HS6ST3: variants seen among roughly 807,000 people sequenced by gnomAD.
HS6ST3 encodes heparan sulfate 6-O-sulfotransferase 3.
Under a neutral mutation model 36.7 loss-of-function variants are expected in HS6ST3, and 12 were observed. The observed-to-expected ratio is 0.33, with a 90% CI of 0.21 to 0.53. The LOEUF (loss-of-function observed/expected upper bound fraction) is 0.53, where lower values mean the gene tolerates loss of function less well. Among genes scored for constraint, HS6ST3 ranks in the 20% least tolerant of loss-of-function variants. The probability of loss-of-function intolerance (pLI) is 0.95; values close to 1 mark genes in which losing one functional copy is unlikely to be tolerated. For synonymous variants in HS6ST3, 240 were observed against 257.5 expected (o/e 0.93, Z 0.65); for missense variants, 584 against 640.9 (o/e 0.91, Z 0.96).
At chr13:96,464,152 A>AAAAAAAAAAAAAAAAAAT in intron 1 of HS6ST3, among the ~76,000 whole-genome samples, 1 of 148,590 alleles carries the variant, frequency 6.7e-6, no homozygotes, top group Non-Finnish European at 1.5e-5. Context: ...AAAAAAAAAA[A>AAAAAAAAAAAAAAAAAAT]AAAAAAAAAT....
At chr13:96,541,581 G>A (rs774318464) in intron 1 of HS6ST3, among the ~76,000 whole-genome samples, 5 of 152,090 alleles carry the variant, frequency 3.3e-5, no homozygotes, top group Admixed American at 6.5e-5. Context: ...AATTAACAAC[G>A]TATATAGTGC....
chr13:96,182,825 G>C (rs531219179), intron 1 of HS6ST3, among the ~76,000 whole-genome samples: 1 of 152,312 alleles, frequency 6.6e-6, no homozygotes, highest in East Asian at 1.9e-4. Context: ...ACCTCTGTGA[G>C]ATTAGGAATC....
At chr13:96,124,149 T>A (rs778467316) in intron 1 of HS6ST3, among the ~76,000 whole-genome samples, 5 of 152,178 alleles carry the variant, frequency 3.3e-5, no homozygotes, top group African/African-American at 4.8e-5. Context: ...AGTAAAATGT[T>A]CAGGAGCTTT....
intron 1 of HS6ST3, among the ~76,000 whole-genome samples, chr13:96,364,749 A>G (rs1312291459): frequency 6.6e-6 from 1 of 152,194 alleles, no homozygotes; most frequent in Admixed American, 6.5e-5. Flanking sequence ...AAAAATAATT[A>G]AAATCTCAAG....
At chr13:96,404,660 G>A (rs1594773001) in intron 1 of HS6ST3, among the ~76,000 whole-genome samples, 1 of 152,194 alleles carries the variant, frequency 6.6e-6, no homozygotes, top group Admixed American at 6.5e-5. Flanking sequence ...CAAGAAGTTG[G>A]CAAAAGGCCA....
intron 1 of HS6ST3, among the ~76,000 whole-genome samples, chr13:96,501,979 C>A (rs2056006276): frequency 6.6e-6 from 1 of 152,184 alleles, no homozygotes; most frequent in Admixed American, 6.5e-5. Context: ...CTATCAGTTT[C>A]TTCTCTCTTT....
chr13:96,817,804 A>G (rs1384304716), intron 1 of HS6ST3, among the ~76,000 whole-genome samples: 1 of 152,196 alleles, frequency 6.6e-6, no homozygotes, highest in Non-Finnish European at 1.5e-5. Context: ...AAGAGAAATA[A>G]TCAACACAAA....
intron 1 of HS6ST3, among the ~76,000 whole-genome samples, chr13:96,177,898 A>G (rs2054220125): frequency 6.6e-6 from 1 of 152,226 alleles, no homozygotes; most frequent in Admixed American, 6.5e-5. Context: ...TTGGAACCCA[A>G]TTCAAATAAA....
At position 96,111,020 on chromosome 13, in the gene HS6ST3, C is replaced by A. The variant is rs1244455179; in HGVS notation, c.707+19451C>A. 2.0e-5 allele frequency among the ~76,000 whole-genome samples: 3 copies of A among 151,968 alleles called. No homozygotes were observed. The South Asian group carries it at 6.2e-4, about 32-fold the overall frequency. On this transcript the variant is annotated intron_variant, in intron 1 of 1. Transcript: ENST00000376705. ...ACACATTGACTAGTATAAAGATATA[C>A]CATAGGTGATTTATTATTAAAAATA...
intron 1 of HS6ST3, among the ~76,000 whole-genome samples, chr13:96,533,659 G>T (rs1451784679): frequency 6.6e-6 from 1 of 152,154 alleles, no homozygotes; most frequent in Admixed American, 6.5e-5. Flanking sequence ...TTTAACTATA[G>T]ATCCTTGATA....
chr13:96,741,723 T>G (rs1376769157), intron 1 of HS6ST3, among the ~76,000 whole-genome samples: 1 of 152,136 alleles, frequency 6.6e-6, no homozygotes, highest in Non-Finnish European at 1.5e-5. Flanking sequence ...TAGAAGAAAA[T>G]GTATTAGTTC....
intron 1 of HS6ST3, among the ~76,000 whole-genome samples, chr13:96,184,156 G>A (rs928285754): frequency 6.8e-5 from 9 of 133,320 alleles, no homozygotes; most frequent in Admixed American, 2.6e-4. Context: ...AGCCAAGATC[G>A]CACCACTGCC....
In HS6ST3 at chr13:96,549,293, CATG is replaced by C. The variant is rs2056209957; in HGVS notation, c.708-283194_708-283192del. Among the ~76,000 whole-genome samples the C allele has an allele frequency of 2.0e-5, 3 of 152,006 alleles. No homozygotes were observed. The South Asian group carries it at 6.2e-4, about 31-fold the overall frequency. On this transcript the variant is annotated intron_variant, in intron 1 of 1. Coordinates refer to ENST00000376705, the MANE Select transcript of HS6ST3 (RefSeq NM_153456.4). ...AAGAACTTCTGTAGCCTGTAGGATC[CATG>C]ATTTATGTGTGGTTGAATGCAAGCG... is the stretch of plus-strand genomic sequence containing the variant.
Position 96,838,109 on chromosome 13 carries a change from G to A in HS6ST3, c.*4911G>A, listed in dbSNP as rs1401991133. ...ATCATTTAGAGATGGGGGTTAGGGAGAGTAGGAGTAACTCTAGAGAAAATT... is the reference window on the plus strand; with the variant it reads ...ATCATTTAGAGATGGGGGTTAGGGAAAGTAGGAGTAACTCTAGAGAAAATT... On this transcript the variant is annotated 3_prime_UTR_variant, in exon 2 of 2. Transcript: ENST00000376705. The A allele has an allele frequency of 6.6e-6, 1 of 152,224 alleles. No homozygotes were observed. Among genetic ancestry groups the A allele is most frequent in the African/African-American group, 2.4e-5 (1 of 41,460 alleles). The allele number at this position is 152,224 out of a possible 1,614,324, so 9.4% of individuals were successfully genotyped here. A position where few individuals can be genotyped will look rare whatever the true frequency, so the allele number is the denominator to read the frequency against.
chr13:96,462,694 A>G (rs1047418238), intron 1 of HS6ST3, among the ~76,000 whole-genome samples: 1 of 152,234 alleles, frequency 6.6e-6, no homozygotes, highest in Non-Finnish European at 1.5e-5. Flanking sequence ...TTATCAATGA[A>G]GAAAACTCAA....
intron 1 of HS6ST3, among the ~76,000 whole-genome samples, chr13:96,508,485 A>C (rs1393513526): frequency 1.3e-5 from 2 of 152,062 alleles, no homozygotes; most frequent in African/African-American, 4.8e-5. Context: ...TGAGTAGTGT[A>C]CATCGTACCT....
intron 1 of HS6ST3, among the ~76,000 whole-genome samples, chr13:96,471,104 A>G (rs2138890497): frequency 6.6e-6 from 1 of 152,310 alleles, no homozygotes; most frequent in East Asian, 1.9e-4. Flanking sequence ...TTCCACCAGC[A>G]TAAGCAAGAG....
intron 1 of HS6ST3, among the ~76,000 whole-genome samples, chr13:96,682,267 A>G (rs933750586): frequency 2.0e-5 from 3 of 152,162 alleles, no homozygotes; most frequent in Non-Finnish European, 4.4e-5. Context: ...GTGTTTGTGC[A>G]TAAATATTTA....
chr13:96,821,829 C>G (rs2138542531), intron 1 of HS6ST3, among the ~76,000 whole-genome samples: 1 of 152,246 alleles, frequency 6.6e-6, no homozygotes, highest in South Asian at 2.1e-4. Context: ...CTTCATATAA[C>G]AGAATGGCAA....
Sources: gnomAD v4.1 joint callset for allele counts (sites outside exome capture counted in the v4.1 genomes callset) on GRCh38, gnomAD v4.1.1 for gene constraint, MANE v1.5 for transcripts, NCBI Gene and HGNC (gene_info 2026-07-23, HGNC 2026-07-21) for gene names.